DACH2: variants seen among roughly 807,000 people sequenced by gnomAD.
DACH2 encodes the protein dachshund family transcription factor 2, also known as dachshund homolog 2.
DACH2 carries 17 observed loss-of-function variants against 35.8 expected under a neutral mutation model. That is an observed-to-expected ratio of 0.48 (90% CI 0.33 to 0.71). DACH2 has a LOEUF of 0.71. DACH2 is among the 30% of genes least tolerant of loss of function. DACH2 has a pLI of 0.02. For missense variants in DACH2, 469 were observed against 472.7 expected, an observed-to-expected ratio of 0.99 and a Z score of 0.07; for synonymous variants, 195 against 177.3, an observed-to-expected ratio of 1.10 and a Z score of -0.79.
chrX:86,577,483 T>C (rs1355310730), intron 3 of DACH2, among the ~76,000 whole-genome samples: 1 of 111,679 alleles, frequency 9.0e-6, no homozygotes, highest in Non-Finnish European at 1.9e-5. Context: ...ATAAAAGATA[T>C]AAAAATATTT....
chrX:86,181,815 G>A (rs139634318), intron 1 of DACH2, among the ~76,000 whole-genome samples: 90 of 111,749 alleles, frequency 8.1e-4, no homozygotes, highest in African/African-American at 2.8e-3. Context: ...GTGTAAAAAT[G>A]TTCTATTTTT....
At chrX:86,745,647 A>G (rs149115364) in intron 7 of DACH2, among the ~76,000 whole-genome samples, 5,089 of 110,691 alleles carry the variant, frequency 0.046, 106 homozygotes, top group South Asian at 0.12. Flanking sequence ...CATGTTTTTA[A>G]TGGGCATTTA....
At chrX:86,562,009 A>T (rs1289258648) in intron 3 of DACH2, among the ~76,000 whole-genome samples, 2 of 83,708 alleles carry the variant, frequency 2.4e-5, no homozygotes, top group African/African-American at 7.8e-5. Context: ...GGAAAATGAA[A>T]CATAAAAAAA....
At chrX:86,410,587 T>C (rs1416734269) in intron 2 of DACH2, among the ~76,000 whole-genome samples, 1 of 111,199 alleles carries the variant, frequency 9.0e-6, no homozygotes, top group Non-Finnish European at 1.9e-5. Flanking sequence ...ATCAGTCTCA[T>C]CCTATTATGC....
At chrX:86,495,356 A>T (rs749558919) in intron 2 of DACH2, among the ~76,000 whole-genome samples, 250 of 106,653 alleles carry the variant, frequency 2.3e-3, no homozygotes, top group African/African-American at 7.8e-3. Context: ...CTGCATCCAG[A>T]CTTTTTTTTT....
At chrX:86,407,378 C>T (rs2036542731) in intron 2 of DACH2, among the ~76,000 whole-genome samples, 1 of 111,531 alleles carries the variant, frequency 9.0e-6, no homozygotes, top group Non-Finnish European at 1.9e-5. Flanking sequence ...TGACCTATCC[C>T]TCAATACTCA....
chrX:86,410,589 C>T (rs1314598119), intron 2 of DACH2, among the ~76,000 whole-genome samples: 5 of 111,045 alleles, frequency 4.5e-5, no homozygotes, highest in Non-Finnish European at 9.4e-5. Context: ...CAGTCTCATC[C>T]TATTATGCAT....
At chrX:86,258,790 A>G (rs2033571986) in intron 1 of DACH2, among the ~76,000 whole-genome samples, 1 of 112,085 alleles carries the variant, frequency 8.9e-6, no homozygotes, top group Non-Finnish European at 1.9e-5. Flanking sequence ...ATCTTTCAGA[A>G]GGTACCCATG....
chrX:86,403,816 T>C (rs908035601), intron 2 of DACH2, among the ~76,000 whole-genome samples: 1 of 111,271 alleles, frequency 9.0e-6, no homozygotes, highest in African/African-American at 3.3e-5. Context: ...TATAAGGAGA[T>C]ACCCAAGACT....
rs186806628 is a variant in DACH2, at chrX:86,365,887, C to G, written c.489-10937C>G. On this transcript the variant is annotated intron_variant, in intron 1 of 11. Transcript: ENST00000373125. ...CTATAACAGAGGCACACACAAATTG[C>G]CAGGTAAGCAGAGAGGTAGGAGTCA... Among the ~76,000 whole-genome samples the G allele has an allele frequency of 7.2e-5, 8 of 111,271 alleles. No homozygotes were observed. In the East Asian group the frequency reaches 2.3e-3, roughly 32 times the overall value.
intron 1 of DACH2, among the ~76,000 whole-genome samples, chrX:86,166,991 T>G (rs1447475104): frequency 1.8e-5 from 2 of 111,572 alleles, no homozygotes; most frequent in Non-Finnish European, 3.8e-5. Flanking sequence ...TTGCATCAAA[T>G]TCATAGGAGA....
chrX:86,434,307 TC>T (rs2148174829), intron 2 of DACH2, among the ~76,000 whole-genome samples: 1 of 111,738 alleles, frequency 8.9e-6, no homozygotes, highest in South Asian at 3.7e-4. Flanking sequence ...GGGATATCCA[TC>T]CCCTCAATCC....
intron 7 of DACH2, among the ~76,000 whole-genome samples, chrX:86,767,592 C>A (rs911929064): frequency 1.5e-4 from 17 of 111,813 alleles, no homozygotes; most frequent in African/African-American, 5.2e-4. Context: ...TAATTTAGAC[C>A]TTTTCTGTTA....
intron 1 of DACH2, among the ~76,000 whole-genome samples, chrX:86,312,729 A>C (rs976560940): frequency 8.9e-6 from 1 of 111,739 alleles, no homozygotes; most frequent in Non-Finnish European, 1.9e-5. Flanking sequence ...ATTGGACTCC[A>C]ATTTCTTCAG....
chrX:86,636,065 T>G (rs7062725), intron 3 of DACH2, among the ~76,000 whole-genome samples: 13,927 of 111,361 alleles, frequency 0.13, 751 homozygotes, highest in East Asian at 0.32. Context: ...TGAGCCCAAA[T>G]AGCCAAAGCA....
At chrX:86,308,436 A>G (rs1479304087) in intron 1 of DACH2, among the ~76,000 whole-genome samples, 2 of 112,397 alleles carry the variant, frequency 1.8e-5, no homozygotes, top group African/African-American at 6.5e-5. Context: ...AATTAATCAC[A>G]GTATTCCTAG....
intron 1 of DACH2, among the ~76,000 whole-genome samples, chrX:86,261,642 A>G (rs1001608561): frequency 8.9e-6 from 1 of 111,827 alleles, no homozygotes; most frequent in African/African-American, 3.3e-5. Flanking sequence ...AGGAATTTCT[A>G]GGAAGAAAAA....
At chrX:86,344,323 CATATATAT>C (rs761609271) in intron 1 of DACH2, among the ~76,000 whole-genome samples, 1 of 90,233 alleles carries the variant, frequency 1.1e-5, no homozygotes, top group Non-Finnish European at 2.2e-5. Context: ...CTTGGAAGTG[CATATATAT>C]ATATATATAT....
intron 4 of DACH2, among the ~76,000 whole-genome samples, chrX:86,672,929 G>A (rs1178887136): frequency 8.9e-6 from 1 of 111,869 alleles, no homozygotes; most frequent in Non-Finnish European, 1.9e-5. Flanking sequence ...GCCAGCCTGT[G>A]CAAGTAACCA....
Sources: allele counts gnomAD v4.1 joint callset (sites outside exome capture counted in the v4.1 genomes callset), GRCh38; gene constraint gnomAD v4.1.1; transcripts MANE v1.5; gene names NCBI Gene and HGNC (gene_info 2026-07-23, HGNC 2026-07-21).